Variants in TYR observed in about 807,000 individuals in gnomAD.
TYR encodes LB24-AB.
In TYR, 58 loss-of-function variants were observed where a neutral mutation model predicts 51.5. The observed-to-expected ratio is 1.13, with a 90% CI of 0.91 to 1.40. The LOEUF (loss-of-function observed/expected upper bound fraction) is 1.40, where lower values mean the gene tolerates loss of function less well. TYR is among the 40% of genes most tolerant of loss of function. TYR has a pLI of 0.00. For synonymous variants in TYR, 263 were observed against 235.2 expected (o/e 1.12, Z -1.08); for missense variants, 732 against 647.4 (o/e 1.13, Z -1.42).
At chr11:89,243,717 C>T (rs1047795313) in intron 3 of TYR, among the ~76,000 whole-genome samples, 10 of 152,062 alleles carry the variant, frequency 6.6e-5, no homozygotes, top group Non-Finnish European at 7.4e-5. Flanking sequence ...AGCAAACTGG[C>T]TAAGAAATGT....
At chr11:89,285,029 A>C (rs1944767427) in intron 4 of TYR, 75 bp downstream of exon 4, 1 of 1,265,212 alleles carries the variant, frequency 7.9e-7, no homozygotes. Flanking sequence ...ACAAAACTTT[A>C]TGCTTCGACA....
chr11:89,252,952 A>C (rs1159212405), intron 3 of TYR, among the ~76,000 whole-genome samples: 2 of 151,844 alleles, frequency 1.3e-5, no homozygotes, highest in Non-Finnish European at 3.0e-5. Flanking sequence ...CTTCTGAAGT[A>C]CAAAGTGGTT....
At chr11:89,200,678 AT>A (rs1943586292) in intron 2 of TYR, 4 of 152,120 alleles carry the variant, frequency 2.6e-5, no homozygotes, top group Admixed American at 2.6e-4. Flanking sequence ...GTGGAATGAG[AT>A]TACTTTATAT....
At chr11:89,249,052 A>G (rs1341338624) in intron 3 of TYR, among the ~76,000 whole-genome samples, 2 of 152,144 alleles carry the variant, frequency 1.3e-5, no homozygotes, top group Non-Finnish European at 2.9e-5. Context: ...TTTAGCAAAG[A>G]AAATGAACTA....
At position 89,295,132 on chromosome 11, in the gene TYR, T is replaced by C; in HGVS notation, c.1367-11T>C. 2 of 1,613,710 alleles carry C rather than the reference T, an allele frequency of 1.2e-6. No homozygotes were observed. Among genetic ancestry groups the C allele is most frequent in the Non-Finnish European group, 1.7e-6 (2 of 1,179,806 alleles). Reference sequence around the variant, plus strand: ...TAACAATAAAAACAATGGGATGTCTTTTTATTTCAGACCCAGACTCTTTTC... The same window carrying C: ...TAACAATAAAAACAATGGGATGTCTCTTTATTTCAGACCCAGACTCTTTTC... On this transcript the variant is annotated splice_polypyrimidine_tract_variant and intron_variant, in intron 4 of 4. Coordinates refer to ENST00000263321, the MANE Select transcript of TYR (RefSeq NM_000372.5).
intron 3 of TYR, among the ~76,000 whole-genome samples, chr11:89,277,552 C>T (rs1944670189): frequency 6.6e-6 from 1 of 151,702 alleles, no homozygotes; most frequent in African/African-American, 2.4e-5. Flanking sequence ...AATCCAGACC[C>T]AGATATCTAG....
chr11:89,199,795 C>A (rs1219094781), intron 2 of TYR, among the ~76,000 whole-genome samples: 4 of 152,112 alleles, frequency 2.6e-5, no homozygotes, highest in Non-Finnish European at 5.9e-5. Flanking sequence ...GTGTATTTAT[C>A]CAAGCTAAAG....
chr11:89,236,512 G>A (rs2135287975), intron 3 of TYR, among the ~76,000 whole-genome samples: 1 of 152,168 alleles, frequency 6.6e-6, no homozygotes, highest in African/African-American at 2.4e-5. Context: ...AAAGATCAAG[G>A]TAATTTCTGA....
intron 3 of TYR, among the ~76,000 whole-genome samples, chr11:89,280,192 A>G (rs1352550477): frequency 2.6e-5 from 4 of 151,622 alleles, no homozygotes; most frequent in African/African-American, 9.7e-5. Flanking sequence ...TTCTTACCCC[A>G]GCCCTAGAAC....
intron 1 of TYR, among the ~76,000 whole-genome samples, chr11:89,184,059 T>C (rs1321709332): frequency 6.6e-6 from 1 of 152,140 alleles, no homozygotes; most frequent in Admixed American, 6.6e-5. Flanking sequence ...GACTAGAATC[T>C]TCATGATCAT....
At chr11:89,239,823 A>G (rs1944168829) in intron 3 of TYR, among the ~76,000 whole-genome samples, 1 of 152,020 alleles carries the variant, frequency 6.6e-6, no homozygotes, top group Non-Finnish European at 1.5e-5. Context: ...CATATTTTTA[A>G]GTTTCTATGT....
At chr11:89,241,319 G>C (rs537516511) in intron 3 of TYR, among the ~76,000 whole-genome samples, 1 of 152,110 alleles carries the variant, frequency 6.6e-6, no homozygotes, top group African/African-American at 2.4e-5. Context: ...ATGTACTCTT[G>C]TCTACCCTGT....
At chr11:89,272,208 C>T (rs770150590) in intron 3 of TYR, among the ~76,000 whole-genome samples, 34 of 151,950 alleles carry the variant, frequency 2.2e-4, no homozygotes, top group Non-Finnish European at 3.2e-4. Flanking sequence ...CACTGTATGT[C>T]GGCTATACCC....
chr11:89,185,500 AAAAG>A (rs1289664955), intron 1 of TYR, among the ~76,000 whole-genome samples: 2 of 152,156 alleles, frequency 1.3e-5, no homozygotes, highest in African/African-American at 4.8e-5. Flanking sequence ...ATTCTGAGAG[AAAAG>A]AAATAAACAA....
intron 3 of TYR, among the ~76,000 whole-genome samples, chr11:89,237,524 A>T (rs1312924800): frequency 6.6e-6 from 1 of 152,004 alleles, no homozygotes; most frequent in African/African-American, 2.4e-5. Context: ...TATTTCTGGG[A>T]TGTCTATTCT....
intron 4 of TYR, among the ~76,000 whole-genome samples, chr11:89,289,517 T>C (rs1417704484): frequency 6.6e-6 from 1 of 151,942 alleles, no homozygotes; most frequent in Admixed American, 6.6e-5. Context: ...CTTTCTATCT[T>C]CATCAGAACA....
At chr11:89,213,746 A>G (rs1030438979) in intron 2 of TYR, among the ~76,000 whole-genome samples, 5 of 152,206 alleles carry the variant, frequency 3.3e-5, no homozygotes, top group East Asian at 1.9e-4. Flanking sequence ...AAACAGATAT[A>G]TAGACTAATG....
intron 3 of TYR, among the ~76,000 whole-genome samples, chr11:89,266,992 C>T (rs1414210153): frequency 2.6e-5 from 4 of 151,884 alleles, no homozygotes; most frequent in Non-Finnish European, 5.9e-5. Context: ...AAAGACTTGT[C>T]ATTCAAAATA....
chr11:89,228,619 T>TTC (rs1374522494), intron 3 of TYR, among the ~76,000 whole-genome samples: 7 of 152,148 alleles, frequency 4.6e-5, no homozygotes, highest in Non-Finnish European at 8.8e-5. Context: ...CTAACACACT[T>TTC]TCATATAAGG....
Sources: gnomAD v4.1 joint callset for allele counts (sites outside exome capture counted in the v4.1 genomes callset) on GRCh38, gnomAD v4.1.1 for gene constraint, MANE v1.5 for transcripts, NCBI Gene and HGNC (gene_info 2026-07-23, HGNC 2026-07-21) for gene names.